PGGHG: variants seen among roughly 807,000 people sequenced by gnomAD.
PGGHG encodes the protein ATH1, acid trehalase-like 1.
Under a neutral mutation model 74.5 loss-of-function variants are expected in PGGHG, and 67 were observed. That is an observed-to-expected ratio of 0.90 (90% CI 0.74 to 1.10). The LOEUF (loss-of-function observed/expected upper bound fraction) is 1.10. Among genes scored for constraint, PGGHG ranks in the 50% least tolerant of loss-of-function variants. PGGHG has a pLI of 0.00. For synonymous variants in PGGHG, 496 were observed against 419.9 expected, an observed-to-expected ratio of 1.18 and a Z score of -2.21; for missense variants, 1,034 against 981.5, an observed-to-expected ratio of 1.05 and a Z score of -0.72.
Position 294,334 on chromosome 11 carries a change from G to C in PGGHG, c.1876G>C (p.Gly626Arg), listed in dbSNP as rs749856634. Residue 626 changes from glycine to arginine, a missense_variant, in exon 13 of 14, where the codon GGC (glycine) becomes CGC (arginine). Physicochemically the swap from Gly to Arg is moderately radical, Grantham distance 125. Coordinates refer to ENST00000409548, the MANE Select transcript of PGGHG (RefSeq NM_025092.5). ...GGGGATCTCCAGAGTGAGCGTCTCC[G>C]GCATCTTCTACCAGGGGAACAAGCT... is the stretch of plus-strand genomic sequence containing the variant. Reference protein sequence around the residue: ...LSGISRVSVSGIFYQGNKLNF... With the variant: ...LSGISRVSVSRIFYQGNKLNF... 2 of 1,612,952 alleles carry C rather than the reference G, an allele frequency of 1.2e-6. No individual in the cohort carries two copies. The highest frequency in any genetic ancestry group is 1.7e-6 in the Non-Finnish European group (2 of 1,179,922).
Sources: gnomAD v4.1 joint callset for allele counts on GRCh38, gnomAD v4.1.1 for gene constraint, MANE v1.5 for transcripts, NCBI Gene and HGNC (gene_info 2026-07-23, HGNC 2026-07-21) for gene names.